DSCAM: variants seen among roughly 807,000 people sequenced by gnomAD.
DSCAM encodes the protein DS cell adhesion molecule.
In DSCAM, 47 loss-of-function variants were observed where a neutral mutation model predicts 217.7. The ratio of observed to expected loss-of-function variants is 0.22; its 90% CI spans 0.17 to 0.28. The LOEUF (loss-of-function observed/expected upper bound fraction) is 0.28. DSCAM is among the 10% of genes least tolerant of loss of function. The pLI, the probability that DSCAM is intolerant of heterozygous loss-of-function variation, is 1.00. For missense variants in DSCAM, 2,080 were observed against 2,618.3 expected (o/e 0.79, Z 4.49); for synonymous variants, 1,056 against 1,015.3 (o/e 1.04, Z -0.76).
chr21:40,438,547 C>T (rs1370629202), intron 3 of DSCAM, among the ~76,000 whole-genome samples: 1 of 152,174 alleles, frequency 6.6e-6, no homozygotes. Flanking sequence ...ATAGCACGGC[C>T]TTGGCCAACC....
intron 3 of DSCAM, among the ~76,000 whole-genome samples, chr21:40,492,024 CTT>C (rs973793831): frequency 6.6e-6 from 1 of 152,184 alleles, no homozygotes; most frequent in South Asian, 2.1e-4. Flanking sequence ...TAAAGGAAAA[CTT>C]TTGTCTGTTA....
At chr21:40,570,858 AAAAC>A (rs1427943396) in intron 3 of DSCAM, among the ~76,000 whole-genome samples, 20 of 152,216 alleles carry the variant, frequency 1.3e-4, no homozygotes, top group African/African-American at 4.8e-4. Flanking sequence ...TGAAAAAAAT[AAAAC>A]AAAGCATCCA....
At chr21:40,184,673 T>C (rs2090874320) in intron 14 of DSCAM, among the ~76,000 whole-genome samples, 1 of 152,212 alleles carries the variant, frequency 6.6e-6, no homozygotes, top group African/African-American at 2.4e-5. Flanking sequence ...GATTCTTAGA[T>C]TTCAATTGCA....
intron 3 of DSCAM, among the ~76,000 whole-genome samples, chr21:40,642,947 CT>C (rs2089900991): frequency 6.6e-6 from 1 of 152,150 alleles, no homozygotes; most frequent in Non-Finnish European, 1.5e-5. Flanking sequence ...TCTGTATTTG[CT>C]TTGATAAGAG....
chr21:40,334,038 A>T (rs960945802), intron 8 of DSCAM, among the ~76,000 whole-genome samples: 6 of 152,142 alleles, frequency 3.9e-5, no homozygotes, highest in Middle Eastern at 3.2e-3. Flanking sequence ...TTTTTGTCAG[A>T]CTTTATTTTC....
chr21:40,039,876 G>A (rs2088712355), intron 32 of DSCAM, among the ~76,000 whole-genome samples: 1 of 152,148 alleles, frequency 6.6e-6, no homozygotes, highest in Admixed American at 6.5e-5. Flanking sequence ...CTCTAAAGTT[G>A]AGGAGGAAGA....
intron 3 of DSCAM, among the ~76,000 whole-genome samples, chr21:40,530,519 A>G (rs899275806): frequency 2.6e-5 from 4 of 152,212 alleles, no homozygotes; most frequent in African/African-American, 7.2e-5. Flanking sequence ...GCAATTGCAT[A>G]TCCACCCTAT....
intron 9 of DSCAM, among the ~76,000 whole-genome samples, chr21:40,304,155 G>A (rs890809575): frequency 6.6e-6 from 1 of 152,188 alleles, no homozygotes; most frequent in African/African-American, 2.4e-5. Flanking sequence ...TGCTTTTGGG[G>A]TGTTGTTTTT....
chr21:40,474,597 C>G (rs969609156), intron 3 of DSCAM, among the ~76,000 whole-genome samples: 1 of 152,152 alleles, frequency 6.6e-6, no homozygotes, highest in Non-Finnish European at 1.5e-5. Flanking sequence ...CTGGGGCTCC[C>G]GCAGAGCAGA....
chr21:40,489,887 T>C (rs1265516228), intron 3 of DSCAM, among the ~76,000 whole-genome samples: 9 of 150,068 alleles, frequency 6.0e-5, no homozygotes, highest in Non-Finnish European at 1.2e-4. Context: ...AAATCAAAGA[T>C]ATATTATTCA....
At chr21:40,155,375 C>T (rs1370762264) in intron 16 of DSCAM, among the ~76,000 whole-genome samples, 1 of 152,192 alleles carries the variant, frequency 6.6e-6, no homozygotes, top group East Asian at 1.9e-4. Context: ...AGGCTGGGCC[C>T]CAACTATTTA....
chr21:40,752,401 G>A (rs1056237342), intron 1 of DSCAM, among the ~76,000 whole-genome samples: 2 of 152,204 alleles, frequency 1.3e-5, no homozygotes, highest in African/African-American at 2.4e-5. Flanking sequence ...TGCAGCAAGA[G>A]GCAGGGACCA....
chr21:40,562,936 G>A (rs544673825), intron 3 of DSCAM, among the ~76,000 whole-genome samples: 57 of 152,262 alleles, frequency 3.7e-4, no homozygotes, highest in Middle Eastern at 6.8e-3. Flanking sequence ...AGAGAGAGAC[G>A]CAAAAACAAA....
intron 3 of DSCAM, among the ~76,000 whole-genome samples, chr21:40,578,637 T>G (rs2076876470): frequency 6.6e-6 from 1 of 152,222 alleles, no homozygotes; most frequent in South Asian, 2.1e-4. Context: ...TCTTTTGCTC[T>G]TCACAATAAA....
chr21:40,683,424 CAGAG>C (rs1001387553), intron 3 of DSCAM, among the ~76,000 whole-genome samples: 1 of 150,066 alleles, frequency 6.7e-6, no homozygotes, highest in East Asian at 2.0e-4. Flanking sequence ...GAGTGTGTGA[CAGAG>C]AGAGAGAAAG....
intron 3 of DSCAM, among the ~76,000 whole-genome samples, chr21:40,560,343 C>A (rs914706384): frequency 6.6e-6 from 1 of 152,088 alleles, no homozygotes; most frequent in Non-Finnish European, 1.5e-5. Flanking sequence ...TCCAGGGGGA[C>A]CCCCTGTGTG....
intron 3 of DSCAM, among the ~76,000 whole-genome samples, chr21:40,444,376 G>T (rs2075657236): frequency 6.6e-6 from 1 of 152,178 alleles, no homozygotes. Flanking sequence ...GCTGTGATCT[G>T]CCTGAGAAGA....
intron 6 of DSCAM, among the ~76,000 whole-genome samples, chr21:40,344,784 C>T (rs899493972): frequency 1.3e-5 from 2 of 152,128 alleles, no homozygotes; most frequent in African/African-American, 4.8e-5. Context: ...TGCTGAGTTT[C>T]TTAGATCTGC....
intron 32 of DSCAM, among the ~76,000 whole-genome samples, chr21:40,039,399 A>G (rs1012626403): frequency 2.6e-5 from 4 of 151,510 alleles, no homozygotes; most frequent in African/African-American, 9.7e-5. Context: ...TTATTTGACT[A>G]TAATTTCTAT....
Sources: gnomAD v4.1 joint callset for allele counts (sites outside exome capture counted in the v4.1 genomes callset) on GRCh38, gnomAD v4.1.1 for gene constraint, MANE v1.5 for transcripts, NCBI Gene and HGNC (gene_info 2026-07-23, HGNC 2026-07-21) for gene names.